ST6GAL1: variants seen among roughly 807,000 people sequenced by gnomAD.
ST6GAL1 encodes the protein beta-galactoside alpha-2,6-sialyltransferase 1.
Under a neutral mutation model 38.0 loss-of-function variants are expected in ST6GAL1, and 20 were observed. The observed-to-expected ratio is 0.53, with a 90% CI of 0.37 to 0.77. ST6GAL1 has a LOEUF of 0.77. ST6GAL1 is among the 30% of genes least tolerant of loss of function. The pLI is 0.00. For missense variants in ST6GAL1, 432 were observed against 496.4 expected, an observed-to-expected ratio of 0.87 and a Z score of 1.23; for synonymous variants, 196 against 188.2, an observed-to-expected ratio of 1.04 and a Z score of -0.34.
At chr3:187,008,939 A>G (rs1716869854) in intron 2 of ST6GAL1, among the ~76,000 whole-genome samples, 1 of 151,750 alleles carries the variant, frequency 6.6e-6, no homozygotes, top group East Asian at 1.9e-4. Context: ...AGGTTGTTTC[A>G]GGTTATGCAT....
intron 2 of ST6GAL1, among the ~76,000 whole-genome samples, chr3:186,977,425 G>T (rs13322149): frequency 0.072 from 10,899 of 152,236 alleles, 478 homozygotes; most frequent in Non-Finnish European, 0.084. Context: ...TTAGACTGTT[G>T]GCCAGAGTTT....
At chr3:187,004,641 A>G (rs532885009) in intron 2 of ST6GAL1, among the ~76,000 whole-genome samples, 1 of 152,250 alleles carries the variant, frequency 6.6e-6, no homozygotes, top group Non-Finnish European at 1.5e-5. Flanking sequence ...TGCTATTAAG[A>G]AAGGATGCCC....
rs912642530 is a variant in ST6GAL1 at position 186,971,418 on chromosome 3, A to G, written c.-183+7492A>G. On this transcript the variant is annotated intron_variant, in intron 2 of 7. Transcript: ENST00000169298. The stretch of plus-strand genomic sequence containing the variant: ...CCCCCAACGTTAGCTGTTTTAATAG[A>G]TGTGTAGTGATATCTTATTGTGGTC... Among the ~76,000 whole-genome samples the G allele has an allele frequency of 9.9e-5, 15 of 152,240 alleles. No homozygotes were observed. The East Asian group carries it at 2.1e-3, about 22-fold the overall frequency.
intron 2 of ST6GAL1, among the ~76,000 whole-genome samples, chr3:187,017,144 C>T (rs530808220): frequency 5.3e-5 from 8 of 152,070 alleles, no homozygotes; most frequent in Admixed American, 2.0e-4. Context: ...GTGGAGGAGG[C>T]TGGGTTAACT....
intron 1 of ST6GAL1, among the ~76,000 whole-genome samples, chr3:186,958,220 A>G (rs189448285): frequency 6.6e-6 from 1 of 152,356 alleles, no homozygotes; most frequent in Non-Finnish European, 1.5e-5. Flanking sequence ...AGAAATATAC[A>G]TGAAAGGAAT....
intron 2 of ST6GAL1, among the ~76,000 whole-genome samples, chr3:186,969,372 G>A (rs1218797482): frequency 6.6e-6 from 1 of 152,092 alleles, no homozygotes; most frequent in East Asian, 1.9e-4. Context: ...CATTTTAATA[G>A]GTGTATGGTG....
At chr3:186,953,402 C>T (rs541149429) in intron 1 of ST6GAL1, among the ~76,000 whole-genome samples, 1 of 152,286 alleles carries the variant, frequency 6.6e-6, no homozygotes, top group South Asian at 2.1e-4. Flanking sequence ...GGCAGGACAC[C>T]TTCCTTCATG....
intron 2 of ST6GAL1, among the ~76,000 whole-genome samples, chr3:187,022,222 C>G (rs550692074): frequency 6.6e-6 from 1 of 152,224 alleles, no homozygotes; most frequent in Non-Finnish European, 1.5e-5. Flanking sequence ...TTAGAGGACA[C>G]CAAGCTGGTG....
intron 2 of ST6GAL1, among the ~76,000 whole-genome samples, chr3:186,988,846 G>A (rs1560152828): frequency 6.6e-6 from 1 of 152,080 alleles, no homozygotes; most frequent in African/African-American, 2.4e-5. Context: ...TCCGAGAGGT[G>A]GAGGTTGCAG....
rs1224893635 is a variant in ST6GAL1, at chr3:187,075,791, C to T, written c.1209C>T (p.Thr403=). Residue 403 remains threonine, a synonymous_variant, in exon 8 of 8, where the codon ACC becomes ACT. Transcript: ENST00000169298. The surrounding 1 kb of genome is among the most constrained non-coding windows in gnomAD (Gnocchi z 4.1). ...LGKATLPGFR[T]IHC ...AAGCCACACTGCCTGGCTTCCGGAC[C>T]ATTCACTGCTAAGCACAGGCTCCTC... 2.5e-6 allele frequency: 4 copies of T among 1,614,190 alleles called. No individual in the cohort carries two copies. Among genetic ancestry groups the T allele is most frequent in the Non-Finnish European group, 8.5e-7 (1 of 1,180,014 alleles).
chr3:187,017,396 A>G (rs1432826450), intron 2 of ST6GAL1, among the ~76,000 whole-genome samples: 34 of 149,906 alleles, frequency 2.3e-4, no homozygotes. Context: ...CCTAGGTGAT[A>G]TTAATGCCCA....
chr3:187,029,317 G>A (rs1205121099), intron 2 of ST6GAL1, among the ~76,000 whole-genome samples: 1 of 152,092 alleles, frequency 6.6e-6, no homozygotes, highest in Non-Finnish European at 1.5e-5. Context: ...ACAAAGGGGT[G>A]AGGTTTTCTA....
At chr3:187,002,686 G>A (rs566520274) in intron 2 of ST6GAL1, among the ~76,000 whole-genome samples, 1 of 152,224 alleles carries the variant, frequency 6.6e-6, no homozygotes, top group Non-Finnish European at 1.5e-5. Flanking sequence ...TCTGTTTCTG[G>A]GTAAAATCTC....
At chr3:186,963,720 G>A (rs1033473493) in intron 1 of ST6GAL1, 65 bp from the exon 2 acceptor site, 1 of 152,304 alleles carries the variant, frequency 6.6e-6, no homozygotes, top group East Asian at 1.9e-4. Flanking sequence ...CTTTCCTCCT[G>A]AATGTATTAA....
intron 5 of ST6GAL1, chr3:187,072,351 G>A (rs1445007006): frequency 1.4e-5 from 1 of 71,448 alleles, no homozygotes; most frequent in Non-Finnish European, 3.3e-5. Flanking sequence ...GAACAGATGT[G>A]TTGGACTGTG....
At position 187,043,214 on chromosome 3, in the gene ST6GAL1, A is replaced by G; in HGVS notation, c.511A>G (p.Lys171Glu). ...NTSEWEGYLPKESIRTKAGPW... is the reference protein window; with the variant it reads ...NTSEWEGYLPEESIRTKAGPW... ...CTCTGAATGGGAGGGTTATCTGCCC[A>G]AGGAGAGCATTAGGACCAAGGCTGG... Residue 171 changes from lysine to glutamate, a missense_variant, in exon 4 of 8, where the codon AAG becomes GAG. Transcript: ENST00000169298. 6.2e-7 allele frequency: 1 copy of G among 1,614,172 alleles called. No homozygotes were observed. Among genetic ancestry groups the G allele is most frequent in the Non-Finnish European group, 8.5e-7 (1 of 1,180,016 alleles).
intron 2 of ST6GAL1, among the ~76,000 whole-genome samples, chr3:187,024,474 G>GTATATA (rs68068581): frequency 3.5e-4 from 48 of 135,260 alleles, no homozygotes; most frequent in African/African-American, 9.8e-4. Flanking sequence ...ATATATATGT[G>GTATATA]TATATATATA....
At chr3:186,941,380 C>G (rs199915488) in intron 1 of ST6GAL1, among the ~76,000 whole-genome samples, 5 of 152,112 alleles carry the variant, frequency 3.3e-5, no homozygotes, top group Non-Finnish European at 7.3e-5. Context: ...TGGGTCCCCT[C>G]CAGAGAGTGA....
intron 2 of ST6GAL1, among the ~76,000 whole-genome samples, chr3:186,980,603 CAAAAAAAAAAAA>C (rs34503745): frequency 3.3e-5 from 3 of 92,170 alleles, no homozygotes; most frequent in African/African-American, 1.3e-4. Flanking sequence ...ACTAAAATTA[CAAAAAAAAAAAA>C]AAAAAAAAAA....
Sources: allele counts gnomAD v4.1 joint callset (sites outside exome capture counted in the v4.1 genomes callset), GRCh38; gene constraint gnomAD v4.1.1; non-coding constraint Gnocchi (gnomAD v3.1); transcripts MANE v1.5; gene names NCBI Gene and HGNC (gene_info 2026-07-23, HGNC 2026-07-21).